Variants in BNIP3 observed in about 807,000 individuals in gnomAD.
The protein encoded by BNIP3 is BCL2/adenovirus E1B 19 kDa protein-interacting protein 3.
Under a neutral mutation model 23.9 loss-of-function variants are expected in BNIP3, and 16 were observed. The observed-to-expected ratio is 0.67, with a 90% CI of 0.45 to 1.01. The LOEUF (loss-of-function observed/expected upper bound fraction) is 1.01. Ranked by LOEUF, BNIP3 falls within the 50% of genes least tolerant of loss-of-function variation. The pLI is 0.00. For missense variants in BNIP3, 198 were observed against 248.7 expected (o/e 0.80, Z 1.37); for synonymous variants, 81 against 89.3 (o/e 0.91, Z 0.53).
chr10:131,980,539 T>C lies in BNIP3; in HGVS notation c.46+1222A>G, dbSNP rs1395417081. 2.0e-5 allele frequency: 3 copies of C among 150,134 alleles called. No homozygotes were observed. The East Asian group carries it at 5.9e-4, about 29-fold the overall frequency. 9.3% of individuals were successfully genotyped at this position (150,134 alleles called of 1,614,324 possible). On this transcript the variant is annotated intron_variant, in intron 1 of 5. Transcript: ENST00000368636. ...AGGCGGGAGGATCGCTTGAGCCCAG[T>C]TCAGACCAGCCTGGGCAACACAGTG...
intron 1 of BNIP3, among the ~76,000 whole-genome samples, chr10:131,979,996 G>A (rs1008902495): frequency 6.6e-6 from 1 of 151,642 alleles, no homozygotes. Flanking sequence ...CCCCGCCCAC[G>A]CCGAGCCCAC....
chr10:131,973,694 G>T, intron 2 of BNIP3, 99 bp downstream of exon 2: 2 of 1,522,498 alleles, frequency 1.3e-6, no homozygotes, highest in East Asian at 2.3e-5. Context: ...GCGAACAGCA[G>T]CCCACTGTCC....
chr10:131,977,677 G>A (rs1456442632), intron 1 of BNIP3, among the ~76,000 whole-genome samples: 1 of 152,060 alleles, frequency 6.6e-6, no homozygotes, highest in Admixed American at 6.5e-5. Flanking sequence ...ACCTCTTAAA[G>A]GCCCACCTTT....
rs1485855414 is a variant in BNIP3, at chr10:131,981,787, G to A, written c.20C>T (p.Pro7Leu). The change falls in exon 1 of 6, where the codon CCC becomes CTC. Residue 7 changes from proline to leucine, a missense_variant. Coordinates refer to ENST00000368636, the MANE Select transcript of BNIP3 (RefSeq NM_004052.4). The part of the protein sequence containing the change: MSQNGA[P>L]GMQEESLQGS... Reference sequence around the variant, plus strand: ...CTGCAGGCTCTCCTCCTGCATCCCGGGCGCTCCGTTCTGCGACATGGCGCC... The same window carrying A: ...CTGCAGGCTCTCCTCCTGCATCCCGAGCGCTCCGTTCTGCGACATGGCGCC... 3 of 1,484,204 alleles carry A rather than the reference G, an allele frequency of 2.0e-6. No individual in the cohort carries two copies. The highest frequency in any genetic ancestry group is 1.3e-5 in the South Asian group (1 of 78,008). The allele number at this position is 1,484,204 out of a possible 1,614,324, so 91.9% of individuals were successfully genotyped here. A position where few individuals can be genotyped will look rare whatever the true frequency, so the allele number is the denominator to read the frequency against.
Position 131,973,823 on chromosome 10 carries a change from C to T in BNIP3, c.167G>A (p.Arg56Gln), listed in dbSNP as rs746651878. 1.2e-5 allele frequency: 19 copies of T among 1,612,454 alleles called. No homozygotes were observed. Among genetic ancestry groups the T allele is most frequent in the Middle Eastern group, 4.3e-4 (2 of 4,632 alleles). The change falls in exon 2 of 6, where the codon CGG becomes CAG. Residue 56 changes from arginine (R) to glutamine (Q), a missense_variant. Coordinates refer to ENST00000368636, the MANE Select transcript of BNIP3 (RefSeq NM_004052.4). ...ACAGTGAGAGCTCTTGGAGCTACTC[C>T]GTCCAGACTCATGCTGTGCGTCCAG... ...ILLDAQHESG[R>Q]SSSKSSHCDS...
intron 1 of BNIP3, among the ~76,000 whole-genome samples, chr10:131,974,190 T>C (rs2037063026): frequency 6.6e-6 from 1 of 152,250 alleles, no homozygotes; most frequent in South Asian, 2.1e-4. Flanking sequence ...TGTCCAGCTC[T>C]TGCAGTCCCT....
intron 1 of BNIP3, among the ~76,000 whole-genome samples, chr10:131,978,297 CA>C (rs1379724246): frequency 6.7e-6 from 1 of 149,262 alleles, no homozygotes; most frequent in African/African-American, 2.5e-5. Context: ...TATCACAGTA[CA>C]AAAAGAAAAC....
rs1485952400 is a variant in BNIP3 at position 131,973,126 on chromosome 10, A to T, written c.198-8T>A. ...GTCTGCGAGCGAGGTGGGCTTGGCGATGTGAATAGAATGGGAAAAACAGAA... is the reference window on the plus strand; with the variant it reads ...GTCTGCGAGCGAGGTGGGCTTGGCGTTGTGAATAGAATGGGAAAAACAGAA... On this transcript the variant is annotated splice_region_variant and splice_polypyrimidine_tract_variant and intron_variant, in intron 2 of 5. Coordinates refer to ENST00000368636, the MANE Select transcript of BNIP3 (RefSeq NM_004052.4). 3 of 1,612,724 alleles carry T rather than the reference A, an allele frequency of 1.9e-6. No homozygotes were observed. The highest frequency in any genetic ancestry group is 4.5e-5 in the East Asian group (2 of 44,848).
chr10:131,974,222 T>C (rs1209515570), intron 1 of BNIP3, among the ~76,000 whole-genome samples: 4 of 152,222 alleles, frequency 2.6e-5, no homozygotes, highest in Non-Finnish European at 5.9e-5. Flanking sequence ...CAATGTCCAA[T>C]AACTCTGCTG....
intron 1 of BNIP3, 99 bp downstream of exon 1, chr10:131,981,662 C>T (rs576309182): frequency 7.3e-7 from 1 of 1,363,030 alleles, no homozygotes; most frequent in Non-Finnish European, 9.6e-7. Context: ...CGCGATGCCC[C>T]CTAGGCCTCC....
intron 2 of BNIP3, 28 bp from the exon 3 acceptor site, chr10:131,973,146 A>C: frequency 6.2e-7 from 1 of 1,602,784 alleles, no homozygotes; most frequent in Non-Finnish European, 8.5e-7. Context: ...AATGGGAAAA[A>C]CAGAACATCA....
At position 131,976,509 on chromosome 10, in the gene BNIP3, GA is replaced by G. The variant is rs1243252861; in HGVS notation, c.47-2567del. 6.6e-6 allele frequency among the ~76,000 whole-genome samples: 1 copy of G among 152,148 alleles called. No homozygotes were observed. The highest frequency in any genetic ancestry group is 1.5e-5 in the Non-Finnish European group (1 of 68,020). ...AATTTACTACAATTCACAGAACTCA[GA>G]AAAACTCTTTACTTACATTTATCAG... On this transcript the variant is annotated intron_variant, in intron 1 of 5. Transcript: ENST00000368636. This position sits in a 1 kb window ranked among gnomAD's most constrained non-coding sequence, Gnocchi z 4.3.
At chr10:131,977,951 AC>A (rs1465557559) in intron 1 of BNIP3, among the ~76,000 whole-genome samples, 10 of 152,158 alleles carry the variant, frequency 6.6e-5, no homozygotes, top group African/African-American at 1.2e-4. Flanking sequence ...GTATCTACTC[AC>A]GTGTTACAGT....
chr10:131,978,949 G>T (rs374541833), intron 1 of BNIP3, among the ~76,000 whole-genome samples: 1 of 152,130 alleles, frequency 6.6e-6, no homozygotes, highest in Non-Finnish European at 1.5e-5. Context: ...AAAGAGACCC[G>T]CCTGACAAAA....
intron 1 of BNIP3, 29 bp from the exon 2 acceptor site, chr10:131,973,972 T>C: frequency 6.2e-7 from 1 of 1,612,710 alleles, no homozygotes; most frequent in Middle Eastern, 1.7e-4. Context: ...GGGGCGCAGA[T>C]GGAATTCTCT....
chr10:131,971,182 C>G (rs1266405955), intron 3 of BNIP3: 1 of 569,268 alleles, frequency 1.8e-6, no homozygotes, highest in East Asian at 3.0e-5. Flanking sequence ...CTCGCCGCCT[C>G]CAGGGACAGA....
At chr10:131,977,433 T>C (rs909780727) in intron 1 of BNIP3, among the ~76,000 whole-genome samples, 2 of 152,202 alleles carry the variant, frequency 1.3e-5, no homozygotes, top group African/African-American at 4.8e-5. Flanking sequence ...AGTGTATCTC[T>C]GTCATCCTCT....
rs2037079058 is a variant in BNIP3, at chr10:131,976,554, AG to A, written c.47-2612del. Among the ~76,000 whole-genome samples the A allele has an allele frequency of 6.6e-6, 1 of 152,178 alleles. No individual in the cohort carries two copies. Among genetic ancestry groups the A allele is most frequent in the Non-Finnish European group, 1.5e-5 (1 of 68,024 alleles). ...TTATCAGTTTACCAGAAACAATTCC[AG>A]GGCAGACAAATGGAAATGACATACA... is the stretch of plus-strand genomic sequence containing the variant. On this transcript the variant is annotated intron_variant, in intron 1 of 5. Transcript: ENST00000368636. The surrounding 1 kb of genome is among the most constrained non-coding windows in gnomAD (Gnocchi z 4.3).
chr10:131,974,319 AAAC>A (rs60341102), intron 1 of BNIP3, among the ~76,000 whole-genome samples: 76 of 152,404 alleles, frequency 5.0e-4, no homozygotes, highest in East Asian at 7.7e-4. Context: ...TCTTTAAAAA[AAAC>A]AACAACAACA....
Sources: allele counts gnomAD v4.1 joint callset (sites outside exome capture counted in the v4.1 genomes callset), GRCh38; gene constraint gnomAD v4.1.1; non-coding constraint Gnocchi (gnomAD v3.1); transcripts MANE v1.5; gene names NCBI Gene and HGNC (gene_info 2026-07-23, HGNC 2026-07-21).